CAMK2B: variants seen among roughly 807,000 people sequenced by gnomAD.
CAMK2B encodes the protein calcium/calmodulin-dependent protein kinase type II subunit beta.
In CAMK2B, 27 loss-of-function variants were observed where a neutral mutation model predicts 93.7. The ratio of observed to expected loss-of-function variants is 0.29; its 90% CI spans 0.21 to 0.40. The LOEUF (loss-of-function observed/expected upper bound fraction) is 0.40. CAMK2B is among the 10% of genes least tolerant of loss of function. CAMK2B has a pLI of 1.00. For missense variants in CAMK2B, 568 were observed against 895.8 expected (o/e 0.63, Z 4.67); for synonymous variants, 374 against 358.8 (o/e 1.04, Z -0.48).
chr7:44,237,167 C>A (rs1405202652), intron 13 of CAMK2B, among the ~76,000 whole-genome samples: 1 of 152,216 alleles, frequency 6.6e-6, no homozygotes, highest in Non-Finnish European at 1.5e-5. Flanking sequence ...CCGGGCATGT[C>A]CTCAGAAGAT....
intron 13 of CAMK2B, among the ~76,000 whole-genome samples, chr7:44,236,557 C>T (rs574522618): frequency 4.1e-4 from 63 of 152,336 alleles, no homozygotes; most frequent in African/African-American, 1.4e-3. Flanking sequence ...CCAGAAATGC[C>T]GACTGCCCAC....
At chr7:44,308,861 G>C (rs990691051) in intron 1 of CAMK2B, among the ~76,000 whole-genome samples, 23 of 152,200 alleles carry the variant, frequency 1.5e-4, no homozygotes, top group African/African-American at 5.5e-4. Context: ...GGGCTGAGCA[G>C]ACCATCCCTC....
intron 21 of CAMK2B, 26 bp downstream of exon 21, chr7:44,220,800 G>GCC (rs540923791): frequency 5.0e-5 from 75 of 1,513,380 alleles, no homozygotes; most frequent in South Asian, 7.3e-5. Flanking sequence ...GTCCTGCACA[G>GCC]CCCCCCCCCA....
At chr7:44,249,635 G>T (rs111491456) in intron 5 of CAMK2B, among the ~76,000 whole-genome samples, 1,855 of 152,256 alleles carry the variant, frequency 0.012, 10 homozygotes, top group South Asian at 0.025. Flanking sequence ...CACTCTCCAG[G>T]TGGAGTGATA....
intron 1 of CAMK2B, among the ~76,000 whole-genome samples, chr7:44,296,831 T>G (rs149546919): frequency 3.8e-4 from 57 of 151,804 alleles, no homozygotes; most frequent in African/African-American, 1.3e-3. Context: ...AAATTATCCA[T>G]CAAAAATAAG....
intron 23 of CAMK2B, among the ~76,000 whole-genome samples, chr7:44,219,809 C>T (rs1458065923): frequency 6.6e-6 from 1 of 152,222 alleles, no homozygotes; most frequent in African/African-American, 2.4e-5. Context: ...ACCTGCAACC[C>T]ACCCAGCTCT....
At chr7:44,249,835 C>T (rs2096763465) in intron 5 of CAMK2B, among the ~76,000 whole-genome samples, 1 of 152,156 alleles carries the variant, frequency 6.6e-6, no homozygotes, top group South Asian at 2.1e-4. Flanking sequence ...CTCCTTCCTC[C>T]CCAGCTGTCA....
At chr7:44,304,413 G>T (rs1023505231) in intron 1 of CAMK2B, among the ~76,000 whole-genome samples, 5 of 152,142 alleles carry the variant, frequency 3.3e-5, no homozygotes, top group African/African-American at 1.2e-4. Context: ...CAGCTAAAAA[G>T]AAATGAACTA....
intron 6 of CAMK2B, among the ~76,000 whole-genome samples, chr7:44,245,499 C>T (rs1490257425): frequency 6.6e-6 from 1 of 152,176 alleles, no homozygotes; most frequent in Non-Finnish European, 1.5e-5. Context: ...GCCTTGGCTC[C>T]AGAGTTAACC....
At chr7:44,262,967 T>G in intron 3 of CAMK2B, 38 bp downstream of exon 3, 1 of 1,581,536 alleles carries the variant, frequency 6.3e-7, no homozygotes, top group East Asian at 2.2e-5. Context: ...CGGGAGAAGG[T>G]GGGGACCCAT....
At chr7:44,256,671 C>T (rs879770041) in intron 4 of CAMK2B, among the ~76,000 whole-genome samples, 32 of 152,252 alleles carry the variant, frequency 2.1e-4, no homozygotes, top group Non-Finnish European at 3.7e-4. Context: ...CTGCAGACGC[C>T]GAGTCCAGGC....
intron 1 of CAMK2B, among the ~76,000 whole-genome samples, chr7:44,291,427 T>C (rs1786810927): frequency 6.6e-6 from 1 of 152,144 alleles, no homozygotes; most frequent in Non-Finnish European, 1.5e-5. Context: ...CGTCCACTCC[T>C]GCCCAGGGCC....
At chr7:44,260,909 C>T (rs916843868) in intron 3 of CAMK2B, among the ~76,000 whole-genome samples, 6 of 152,178 alleles carry the variant, frequency 3.9e-5, no homozygotes, top group Non-Finnish European at 2.9e-5. Context: ...GCACCCTGGG[C>T]GGAGGGCAAC....
chr7:44,313,100 G>A (rs1463483462), intron 1 of CAMK2B, among the ~76,000 whole-genome samples: 1 of 152,014 alleles, frequency 6.6e-6, no homozygotes, highest in African/African-American at 2.4e-5. Flanking sequence ...ACTAGCCACT[G>A]GGCCCATCAC....
chr7:44,302,415 C>T (rs1478244377), intron 1 of CAMK2B, among the ~76,000 whole-genome samples: 1 of 152,080 alleles, frequency 6.6e-6, no homozygotes, highest in Non-Finnish European at 1.5e-5. Context: ...GCTAGCATTA[C>T]CCTAATACTA....
chr7:44,228,481 G>A (rs967913263), intron 19 of CAMK2B, among the ~76,000 whole-genome samples: 11 of 152,152 alleles, frequency 7.2e-5, no homozygotes, highest in South Asian at 2.1e-4. Context: ...AGGGGCATGG[G>A]GGGCCTCGGA....
chr7:44,274,582 C>T (rs1204225068), intron 2 of CAMK2B, among the ~76,000 whole-genome samples: 1 of 152,228 alleles, frequency 6.6e-6, no homozygotes, highest in African/African-American at 2.4e-5. Context: ...GTGGTCACTA[C>T]CACTCCCCAA....
chr7:44,310,771 G>A (rs760877336), intron 1 of CAMK2B, among the ~76,000 whole-genome samples: 6 of 152,196 alleles, frequency 3.9e-5, no homozygotes, highest in Non-Finnish European at 7.3e-5. Flanking sequence ...CAGCAGAATG[G>A]TGGGTGCCAG....
chr7:44,303,385 G>A (rs1334073478), intron 1 of CAMK2B, among the ~76,000 whole-genome samples: 1 of 152,118 alleles, frequency 6.6e-6, no homozygotes, highest in African/African-American at 2.4e-5. Context: ...GTTATTTTGT[G>A]TATATCAACA....
Sources: gnomAD v4.1 joint callset for allele counts (sites outside exome capture counted in the v4.1 genomes callset) on GRCh38, gnomAD v4.1.1 for gene constraint, MANE v1.5 for transcripts, NCBI Gene and HGNC (gene_info 2026-07-23, HGNC 2026-07-21) for gene names.